The following SLAIN2 variants were observed in gnomAD, a reference collection of about 807,000 sequenced individuals.
SLAIN2 encodes the protein SLAIN motif-containing protein 2.
In SLAIN2, 31 loss-of-function variants were observed where a neutral mutation model predicts 56.6. The ratio of observed to expected loss-of-function variants is 0.55; its 90% CI spans 0.41 to 0.74. SLAIN2 has a LOEUF of 0.74. Ranked by LOEUF, SLAIN2 falls within the 30% of genes least tolerant of loss-of-function variation. The probability of loss-of-function intolerance (pLI) is 0.00; values close to 1 mark genes in which losing one functional copy is unlikely to be tolerated. For missense variants in SLAIN2, 777 were observed against 754.2 expected, an observed-to-expected ratio of 1.03 and a Z score of -0.35; for synonymous variants, 317 against 284.9, an observed-to-expected ratio of 1.11 and a Z score of -1.13.
At chr4:48,413,437 C>CT (rs963039304) in intron 6 of SLAIN2, among the ~76,000 whole-genome samples, 115 of 152,144 alleles carry the variant, frequency 7.6e-4, no homozygotes, top group Non-Finnish European at 1.8e-4. Context: ...TCAGTAATAA[C>CT]TTTTTTTACA....
chr4:48,345,272 C>G (rs1288161632), intron 1 of SLAIN2, among the ~76,000 whole-genome samples: 1 of 152,202 alleles, frequency 6.6e-6, no homozygotes, highest in Admixed American at 6.5e-5. Flanking sequence ...GACCCTTTCT[C>G]CCTGCCACAC....
At chr4:48,419,150 T>C (rs1467029266) in intron 6 of SLAIN2, among the ~76,000 whole-genome samples, 1 of 151,862 alleles carries the variant, frequency 6.6e-6, no homozygotes, top group Non-Finnish European at 1.5e-5. Context: ...TTGCCCAGGC[T>C]GGAATGCAGT....
chr4:48,345,749 T>G (rs1235343350), intron 1 of SLAIN2, among the ~76,000 whole-genome samples: 3 of 152,178 alleles, frequency 2.0e-5, no homozygotes, highest in Non-Finnish European at 4.4e-5. Flanking sequence ...TATTTACACA[T>G]TTAATATTAT....
Position 48,341,908 on chromosome 4 carries a change from C to G in SLAIN2, c.169C>G (p.Pro57Ala). 1 of 1,508,766 alleles carries G rather than the reference C, an allele frequency of 6.6e-7. No homozygotes were observed. The highest frequency in any genetic ancestry group is 8.8e-7 in the Non-Finnish European group (1 of 1,130,232). The allele number at this position is 1,508,766 out of a possible 1,614,324, so 93.5% of individuals were successfully genotyped here. A position where few individuals can be genotyped will look rare whatever the true frequency, so the allele number is the denominator to read the frequency against. The change falls in exon 1 of 8, where the codon CCC becomes GCC. Residue 57 changes from proline (P) to alanine (A), a missense_variant. Coordinates refer to ENST00000264313, the MANE Select transcript of SLAIN2 (RefSeq NM_020846.2). The stretch of plus-strand genomic sequence containing the variant: ...CCCGGTTCGGGCCGGCGCGTCCATT[C>G]CCTCCTCCGGCGCGGCGTCTCCTCG... ...GSPVRAGASI[P>A]SSGAASPRGF... is the part of the protein sequence containing the mutation.
At chr4:48,355,488 CA>C (rs1299230281) in intron 1 of SLAIN2, among the ~76,000 whole-genome samples, 1 of 152,084 alleles carries the variant, frequency 6.6e-6, no homozygotes, top group Non-Finnish European at 1.5e-5. Context: ...TTCTTCCCCC[CA>C]AGTGTATTTT....
intron 6 of SLAIN2, chr4:48,394,438 A>G (rs1716324869): frequency 1.6e-6 from 1 of 619,126 alleles, no homozygotes; most frequent in Admixed American, 3.1e-5. Context: ...TGCTTCTAGG[A>G]TTCTAACATA....
intron 3 of SLAIN2, 110 bp from the exon 4 acceptor site, chr4:48,379,580 G>T: frequency 1.0e-6 from 1 of 973,868 alleles, no homozygotes; most frequent in Non-Finnish European, 1.3e-6. Flanking sequence ...AGAAAAGGCA[G>T]AACAAGAATG....
intron 6 of SLAIN2, among the ~76,000 whole-genome samples, chr4:48,386,258 A>G (rs368432789): frequency 2.6e-5 from 4 of 152,288 alleles, no homozygotes; most frequent in African/African-American, 4.8e-5. Flanking sequence ...CCTTAGAACA[A>G]TTCTATGAAG....
chr4:48,378,345 A>G (rs371775960), intron 3 of SLAIN2, among the ~76,000 whole-genome samples: 4 of 152,248 alleles, frequency 2.6e-5, no homozygotes, highest in South Asian at 2.1e-4. Flanking sequence ...CTTTTAATCA[A>G]TAGATCCTTA....
chr4:48,382,895 C>G lies in SLAIN2; in HGVS notation c.1190C>G (p.Thr397Arg). 6.2e-7 allele frequency: 1 copy of G among 1,611,328 alleles called. No individual in the cohort carries two copies. The highest frequency in any genetic ancestry group is 8.5e-7 in the Non-Finnish European group (1 of 1,178,196). Reference sequence around the variant, plus strand: ...CGCCTTTCACTTCAAGGCCATCCCACAGATTTACAGACAAGCAATGTTAAA... The same window carrying G: ...CGCCTTTCACTTCAAGGCCATCCCAGAGATTTACAGACAAGCAATGTTAAA... Reference protein sequence around the residue: ...QPRLSLQGHPTDLQTSNVKNE... With the variant: ...QPRLSLQGHPRDLQTSNVKNE... The change falls in exon 5 of 8, where the codon ACA (threonine) becomes AGA (arginine). Residue 397 changes from threonine to arginine, a missense_variant. Coordinates refer to ENST00000264313, the MANE Select transcript of SLAIN2 (RefSeq NM_020846.2).
chr4:48,351,289 C>T (rs145966601), intron 1 of SLAIN2, among the ~76,000 whole-genome samples: 4 of 152,282 alleles, frequency 2.6e-5, no homozygotes, highest in African/African-American at 4.8e-5. Flanking sequence ...AATACCTAAT[C>T]GGTACTATAT....
At chr4:48,372,597 T>C (rs1477082073) in intron 2 of SLAIN2, among the ~76,000 whole-genome samples, 1 of 152,214 alleles carries the variant, frequency 6.6e-6, no homozygotes, top group Non-Finnish European at 1.5e-5. Flanking sequence ...AAAGTAAAGC[T>C]GCTGCACCTC....
intron 2 of SLAIN2, among the ~76,000 whole-genome samples, 187 bp downstream of exon 2, chr4:48,370,184 T>A (rs1299291801): frequency 6.6e-6 from 1 of 152,196 alleles, no homozygotes; most frequent in African/African-American, 2.4e-5. Context: ...AATAGCTTTT[T>A]AAAAAAATCT....
At chr4:48,397,579 G>C (rs1050788409) in intron 6 of SLAIN2, among the ~76,000 whole-genome samples, 14 of 152,108 alleles carry the variant, frequency 9.2e-5, no homozygotes, top group African/African-American at 3.1e-4. Context: ...TGTGTGCCCT[G>C]GTGGTTTGCT....
chr4:48,422,138 A>C lies in SLAIN2; in HGVS notation c.*61A>C. On this transcript the variant is annotated 3_prime_UTR_variant, in exon 8 of 8. Coordinates refer to ENST00000264313, the MANE Select transcript of SLAIN2 (RefSeq NM_020846.2). The stretch of plus-strand genomic sequence containing the variant: ...ATGGATACCCTTCACCAGGCTAAAA[A>C]ACAACTTTTATATGCAGACTGTTCA... 2.2e-6 allele frequency: 3 copies of C among 1,366,716 alleles called. No homozygotes were observed. In the South Asian group the frequency reaches 3.7e-5, roughly 17 times the overall value. 84.7% of individuals were successfully genotyped at this position (1,366,716 alleles called of 1,614,324 possible). A position where few individuals can be genotyped will look rare whatever the true frequency, so the allele number is the denominator to read the frequency against.
chr4:48,363,257 GT>G (rs1469359843), intron 1 of SLAIN2, among the ~76,000 whole-genome samples: 38 of 41,338 alleles, frequency 9.2e-4, no homozygotes, highest in African/African-American at 2.6e-3. Flanking sequence ...ATCCTGGCCC[GT>G]TCTCAATGAG....
chr4:48,387,852 CTT>C (rs887427540), intron 6 of SLAIN2, among the ~76,000 whole-genome samples: 37 of 151,994 alleles, frequency 2.4e-4, no homozygotes, highest in Admixed American at 1.2e-3. Context: ...TCATAATAGT[CTT>C]TATATAATTT....
At chr4:48,413,265 G>A (rs1321605870) in intron 6 of SLAIN2, among the ~76,000 whole-genome samples, 1 of 151,680 alleles carries the variant, frequency 6.6e-6, no homozygotes, top group African/African-American at 2.4e-5. Context: ...CAGTAGAGAT[G>A]TTTCTCTTTT....
intron 2 of SLAIN2, among the ~76,000 whole-genome samples, chr4:48,373,925 C>T (rs1715735332): frequency 6.6e-5 from 10 of 152,072 alleles, no homozygotes; most frequent in Admixed American, 6.5e-4. Context: ...GTAATCCCAG[C>T]TACTCGGGAG....
Sources: gnomAD v4.1 joint callset for allele counts (sites outside exome capture counted in the v4.1 genomes callset) on GRCh38, gnomAD v4.1.1 for gene constraint, MANE v1.5 for transcripts, NCBI Gene and HGNC (gene_info 2026-07-23, HGNC 2026-07-21) for gene names.